Variants in SUFU observed in about 807,000 individuals in gnomAD.
The protein encoded by SUFU is SUFU negative regulator of hedgehog signaling.
In SUFU, 7 loss-of-function variants were observed where a neutral mutation model predicts 58.9. The ratio of observed to expected loss-of-function variants is 0.12; its 90% CI spans 0.07 to 0.22. SUFU has a LOEUF of 0.22. SUFU is among the 10% of genes least tolerant of loss of function. The probability of loss-of-function intolerance (pLI) is 1.00; values close to 1 mark genes in which losing one functional copy is unlikely to be tolerated. For missense variants in SUFU, 451 were observed against 641.3 expected, an observed-to-expected ratio of 0.70 and a Z score of 3.20; for synonymous variants, 232 against 254.8, an observed-to-expected ratio of 0.91 and a Z score of 0.85.
chr10:102,552,411 C>T (rs1263056063), intron 3 of SUFU, among the ~76,000 whole-genome samples: 1 of 151,640 alleles, frequency 6.6e-6, no homozygotes, highest in Non-Finnish European at 1.5e-5. Context: ...CCAGGCTGGG[C>T]GACACAGTGA....
intron 1 of SUFU, among the ~76,000 whole-genome samples, chr10:102,507,451 C>T (rs2062341152): frequency 6.6e-6 from 1 of 152,138 alleles, no homozygotes. Flanking sequence ...TCTTCCCTTG[C>T]CCCACAAACT....
chr10:102,610,604 T>TAC (rs1196325574), intron 8 of SUFU, among the ~76,000 whole-genome samples: 3 of 152,128 alleles, frequency 2.0e-5, no homozygotes, highest in African/African-American at 7.2e-5. Flanking sequence ...TGGATGAGCA[T>TAC]ACCCAAAGAG....
intron 1 of SUFU, 122 bp downstream of exon 1, chr10:102,504,456 G>A (rs2062296802): frequency 1.3e-6 from 2 of 1,520,156 alleles, no homozygotes; most frequent in Middle Eastern, 2.0e-4. Context: ...CTCAGAAGGA[G>A]GGCTTCTTGC....
At chr10:102,587,718 T>C (rs2063348981) in intron 3 of SUFU, among the ~76,000 whole-genome samples, 1 of 152,190 alleles carries the variant, frequency 6.6e-6, no homozygotes, top group Non-Finnish European at 1.5e-5. Flanking sequence ...GGTCTTGAAC[T>C]CCTGACCTCA....
chr10:102,605,313 G>A (rs929315145), intron 8 of SUFU, among the ~76,000 whole-genome samples: 5 of 151,994 alleles, frequency 3.3e-5, no homozygotes, highest in African/African-American at 7.2e-5. Flanking sequence ...CCAGGAGTTC[G>A]AGACCAGCCT....
At position 102,599,514 on chromosome 10, in the gene SUFU, G is replaced by A. The variant is rs141359583; in HGVS notation, c.992G>A (p.Arg331Gln). The change falls in exon 8 of 12, where the codon CGG becomes CAG. Residue 331 changes from arginine (R) to glutamine (Q), a missense_variant. Transcript: ENST00000369902. ...KPVLPPINPQ[R>Q]QNGLAHDRAP... ...GTCCTTCCACCAATCAACCCTCAGC[G>A]GCAGAATGGCCTCGCCCACGACCGG... The A allele has an allele frequency of 5.6e-5, 91 of 1,614,036 alleles. No individual in the cohort carries two copies. Among genetic ancestry groups the A allele is most frequent in the Middle Eastern group, 1.6e-4 (1 of 6,084 alleles).
At position 102,504,202 on chromosome 10, in the gene SUFU, C is replaced by T. The variant is rs12780580; in HGVS notation, c.50C>T (p.Ala17Val). 3.0e-4 allele frequency: 485 copies of T among 1,590,980 alleles called. 1 individual carries two copies. The highest frequency in any genetic ancestry group is 5.1e-4 in the Admixed American group (29 of 57,218). ...SGAPGPTAPPAPGPTAPPAFA... is the reference protein window; with the variant it reads ...SGAPGPTAPPVPGPTAPPAFA... ...GCCCCCGGCCCCACCGCGCCCCCGG[C>T]CCCTGGCCCGACTGCCCCCCCGGCC... Residue 17 changes from alanine (A) to valine (V), a missense_variant, in exon 1 of 12, where the codon GCC (alanine) becomes GTC (valine). Ala to Val is a moderately conservative substitution (Grantham distance 64). Coordinates refer to ENST00000369902, the MANE Select transcript of SUFU (RefSeq NM_016169.4).
chr10:102,516,767 C>T (rs149825549), intron 2 of SUFU, among the ~76,000 whole-genome samples: 6,139 of 151,672 alleles, frequency 0.04, 395 homozygotes, highest in African/African-American at 0.14. Context: ...AGGATGGTCT[C>T]GATCTCTTGA....
chr10:102,507,696 T>C (rs2062345500), intron 1 of SUFU, among the ~76,000 whole-genome samples: 1 of 152,228 alleles, frequency 6.6e-6, no homozygotes, highest in South Asian at 2.1e-4. Flanking sequence ...TTTTAAATAG[T>C]GTTTAAATTG....
Position 102,576,013 on chromosome 10 carries a change from G to GT in SUFU, c.455-16556dup, listed in dbSNP as rs67264950. Among the ~76,000 whole-genome samples the GT allele has an allele frequency of 6.4e-3, 907 of 142,374 alleles. 5 individuals are homozygous for GT. Among genetic ancestry groups the GT allele is most frequent in the African/African-American group, 8.1e-3 (312 of 38,672 alleles). 93.4% of individuals were successfully genotyped at this position (142,374 alleles called of 152,430 possible). A position where few individuals can be genotyped will look rare whatever the true frequency, so the allele number is the denominator to read the frequency against. On this transcript the variant is annotated intron_variant, in intron 3 of 11. Coordinates refer to ENST00000369902, the MANE Select transcript of SUFU (RefSeq NM_016169.4). ...CACCATACCCCGCTAATTTTTCTGT[G>GT]TTTTTTTTTTTTTGTAGAGATGGGG...
intron 1 of SUFU, among the ~76,000 whole-genome samples, chr10:102,505,052 AG>A (rs1776661443): frequency 6.6e-6 from 1 of 152,100 alleles, no homozygotes; most frequent in Non-Finnish European, 1.5e-5. Context: ...TTAGGGCATT[AG>A]GTAGAGAGAA....
chr10:102,519,418 T>C (rs757617253), intron 2 of SUFU, among the ~76,000 whole-genome samples: 19 of 147,074 alleles, frequency 1.3e-4, no homozygotes, highest in Non-Finnish European at 2.7e-4. Context: ...TCTCAGCTCT[T>C]CAGGAGGCTG....
intron 3 of SUFU, among the ~76,000 whole-genome samples, chr10:102,571,009 G>C (rs553315155): frequency 6.6e-6 from 1 of 152,116 alleles, no homozygotes; most frequent in South Asian, 2.1e-4. Context: ...AAACCTTCAA[G>C]GTGTACAGTA....
At chr10:102,566,023 G>A (rs745319901) in intron 3 of SUFU, among the ~76,000 whole-genome samples, 10 of 152,214 alleles carry the variant, frequency 6.6e-5, no homozygotes, top group Non-Finnish European at 1.2e-4. Flanking sequence ...AAGCCCACTG[G>A]CAAGCAGAGA....
intron 5 of SUFU, 84 bp from the exon 6 acceptor site, chr10:102,593,909 G>C: frequency 1.3e-6 from 2 of 1,534,516 alleles, no homozygotes; most frequent in Non-Finnish European, 1.8e-6. Context: ...CCTAGGCCTG[G>C]GGCAGCAAAC....
At chr10:102,618,978 G>GTA in intron 10 of SUFU, 1 of 936,432 alleles carries the variant, frequency 1.1e-6, no homozygotes, top group South Asian at 1.3e-5. Flanking sequence ...GTGTGTGTGT[G>GTA]TAATGTTCAA....
rs2063418519 is a variant in SUFU at position 102,592,851 on chromosome 10, C to A, written c.597+127C>A. 2.7e-5 allele frequency: 29 copies of A among 1,087,998 alleles called. No homozygotes were observed. In the South Asian group the frequency reaches 3.5e-4, roughly 13 times the overall value. 67.4% of individuals were successfully genotyped at this position (1,087,998 alleles called of 1,614,324 possible). On this transcript the variant is annotated intron_variant, in intron 4 of 11. Coordinates refer to ENST00000369902, the MANE Select transcript of SUFU (RefSeq NM_016169.4). ...TTTGGCCTCGTCCTGATTTCTGTTT[C>A]CTCTGATGGTTTGTCAGGTAGATTC...
intron 4 of SUFU, 38 bp from the exon 5 acceptor site, chr10:102,593,598 C>CCATTAACACACAATGGG: frequency 6.2e-7 from 1 of 1,604,926 alleles, no homozygotes; most frequent in Non-Finnish European, 8.5e-7. Flanking sequence ...TGGGGGGTGG[C>CCATTAACACACAATGGG]CATTAACACA....
At chr10:102,595,221 G>T (rs2063449290) in intron 6 of SUFU, among the ~76,000 whole-genome samples, 1 of 152,206 alleles carries the variant, frequency 6.6e-6, no homozygotes, top group African/African-American at 2.4e-5. Context: ...AGAGAAAGGT[G>T]GCAGATGGAC....
Sources: allele counts gnomAD v4.1 joint callset (sites outside exome capture counted in the v4.1 genomes callset), GRCh38; gene constraint gnomAD v4.1.1; transcripts MANE v1.5; gene names NCBI Gene and HGNC (gene_info 2026-07-23, HGNC 2026-07-21).